Variants in SLC66A2 observed in about 807,000 individuals in gnomAD.
The protein encoded by SLC66A2 is solute carrier family 66 member 2.
In SLC66A2, 23 loss-of-function variants were observed where a neutral mutation model predicts 25.5. The ratio of observed to expected loss-of-function variants is 0.90; its 90% CI spans 0.65 to 1.28. The LOEUF (loss-of-function observed/expected upper bound fraction) is 1.28, where lower values mean the gene tolerates loss of function less well. Among genes scored for constraint, SLC66A2 ranks in the 50% most tolerant of loss-of-function variants. The pLI is 0.00. For synonymous variants in SLC66A2, 193 were observed against 166.5 expected, an observed-to-expected ratio of 1.16 and a Z score of -1.23; for missense variants, 396 against 373.1, an observed-to-expected ratio of 1.06 and a Z score of -0.51.
Position 79,941,500 on chromosome 18 carries a change from G to T in SLC66A2, c.337+1829C>A, listed in dbSNP as rs1012781658. On this transcript the variant is annotated intron_variant, in intron 3 of 5. Coordinates refer to ENST00000397778, the MANE Select transcript of SLC66A2 (RefSeq NM_025078.5). The surrounding 1 kb of genome is among the most constrained non-coding windows in gnomAD (Gnocchi z 4.1). ...TTCCAGGCCTAGCTCTGGAAACTGG[G>T]ACTCACATTTTTAACTCATCCTGGG... The T allele has an allele frequency of 2.0e-5, 3 of 152,168 alleles. No individual in the cohort carries two copies. The highest frequency in any genetic ancestry group is 7.2e-5 in the African/African-American group (3 of 41,426). 9.4% of individuals were successfully genotyped at this position (152,168 alleles called of 1,614,324 possible). A position where few individuals can be genotyped will look rare whatever the true frequency, so the allele number is the denominator to read the frequency against.
At chr18:79,948,341 G>A (rs1283883992) in intron 2 of SLC66A2, among the ~76,000 whole-genome samples, 1 of 152,124 alleles carries the variant, frequency 6.6e-6, no homozygotes, top group Non-Finnish European at 1.5e-5. Flanking sequence ...TACTTAGATG[G>A]ACATTAGATA....
intron 2 of SLC66A2, among the ~76,000 whole-genome samples, chr18:79,947,595 T>TCCCCCGCACCCA (rs140046430): frequency 7.0e-6 from 1 of 142,330 alleles, no homozygotes; most frequent in African/African-American, 2.6e-5. Flanking sequence ...ACCTCTGCTC[T>TCCCCCGCACCCA]CTGCCCCCAC....
intron 4 of SLC66A2, among the ~76,000 whole-genome samples, chr18:79,929,780 T>A (rs935812779): frequency 2.6e-5 from 4 of 151,906 alleles, no homozygotes; most frequent in Non-Finnish European, 5.9e-5. Flanking sequence ...AAGAACCAAG[T>A]GGAAATTCTG....
intron 5 of SLC66A2, among the ~76,000 whole-genome samples, chr18:79,910,811 TGACA>T (rs1252680362): frequency 6.6e-6 from 1 of 152,222 alleles, no homozygotes; most frequent in African/African-American, 2.4e-5. Context: ...TTGGCTGCTT[TGACA>T]GACAACGTCC....
Position 79,940,310 on chromosome 18 carries a change from A to T in SLC66A2, c.337+3019T>A, listed in dbSNP as rs763459219. Among the ~76,000 whole-genome samples the T allele has an allele frequency of 1.1e-4, 16 of 152,150 alleles. No homozygotes were observed. Among genetic ancestry groups the T allele is most frequent in the African/African-American group, 3.1e-4 (13 of 41,438 alleles). On this transcript the variant is annotated intron_variant, in intron 3 of 5. Coordinates refer to ENST00000397778, the MANE Select transcript of SLC66A2 (RefSeq NM_025078.5). This position sits in a 1 kb window ranked among gnomAD's most constrained non-coding sequence, Gnocchi z 4.1. ...GGCTTAATACCTGGGTGATGAAATA[A>T]TCTGCACACTGGCCGGGCGCAGTGG...
rs1266520430 is a variant in SLC66A2, at chr18:79,940,079, AG to A, written c.337+3249del. Among the ~76,000 whole-genome samples the A allele has an allele frequency of 6.6e-6, 1 of 152,230 alleles. No individual in the cohort carries two copies. The highest frequency in any genetic ancestry group is 6.5e-5 in the Admixed American group (1 of 15,280). ...AAGAGAACAAGATCGTATCCTTTAG[AG>A]GAGCACAGATGGAGCTGGAGGCCAT... is the stretch of plus-strand genomic sequence containing the variant. On this transcript the variant is annotated intron_variant, in intron 3 of 5. Transcript: ENST00000397778. The surrounding 1 kb of genome is among the most constrained non-coding windows in gnomAD (Gnocchi z 4.1).
At chr18:79,938,013 C>T (rs1312579608) in intron 3 of SLC66A2, among the ~76,000 whole-genome samples, 3 of 152,080 alleles carry the variant, frequency 2.0e-5, no homozygotes, top group African/African-American at 4.8e-5. Context: ...CAGGGGCTCA[C>T]ACCTGTAATC....
At chr18:79,945,881 C>G (rs1211523819) in intron 2 of SLC66A2, among the ~76,000 whole-genome samples, 1 of 152,244 alleles carries the variant, frequency 6.6e-6, no homozygotes, top group African/African-American at 2.4e-5. Context: ...TGCCGGTCAA[C>G]CCACCCACAG....
intron 5 of SLC66A2, among the ~76,000 whole-genome samples, chr18:79,910,034 A>ACACCCTTGCCAGAGTCCCCAGC (rs1982810313): frequency 2.0e-5 from 1 of 49,460 alleles, no homozygotes; most frequent in Non-Finnish European, 3.9e-5. Flanking sequence ...GAGTCCCCAG[A>ACACCCTTGCCAGAGTCCCCAGC]CTTCCCCACA....
intron 3 of SLC66A2, among the ~76,000 whole-genome samples, chr18:79,943,039 T>G (rs1987823766): frequency 6.6e-6 from 1 of 152,214 alleles, no homozygotes; most frequent in South Asian, 2.1e-4. Context: ...CTTCTTGTTC[T>G]GACACAGAAA....
At chr18:79,936,203 G>A (rs1192304547) in intron 3 of SLC66A2, among the ~76,000 whole-genome samples, 1 of 152,224 alleles carries the variant, frequency 6.6e-6, no homozygotes, top group African/African-American at 2.4e-5. Context: ...ATAGTGACAG[G>A]GAGGTGCCAG....
At chr18:79,924,107 A>ACTG (rs1041705622) in intron 4 of SLC66A2, among the ~76,000 whole-genome samples, 5 of 151,642 alleles carry the variant, frequency 3.3e-5, no homozygotes, top group Admixed American at 3.3e-4. Context: ...TGCATTTACC[A>ACTG]CTGCCGGGCC....
chr18:79,947,892 G>C (rs2050987161), intron 2 of SLC66A2, among the ~76,000 whole-genome samples: 1 of 152,184 alleles, frequency 6.6e-6, no homozygotes, highest in Non-Finnish European at 1.5e-5. Context: ...TGCACAGCAG[G>C]ACCTGGGGAC....
intron 4 of SLC66A2, among the ~76,000 whole-genome samples, chr18:79,931,951 A>G (rs1311954396): frequency 6.6e-6 from 1 of 152,224 alleles, no homozygotes; most frequent in Non-Finnish European, 1.5e-5. Context: ...CAGGAGGCAG[A>G]GGTTGCAGTG....
rs148223493 is a variant in SLC66A2 at position 79,932,786 on chromosome 18, A to G, written c.391+1183T>C. 5.3e-4 allele frequency among the ~76,000 whole-genome samples: 81 copies of G among 152,358 alleles called. No homozygotes were observed. The East Asian group carries it at 9.4e-3, about 18-fold the overall frequency. ...AGAAACAAAAAATCTGAATAGACTTATAACAAGAGATTGAATTCGTAATTT... is the reference window on the plus strand; with the variant it reads ...AGAAACAAAAAATCTGAATAGACTTGTAACAAGAGATTGAATTCGTAATTT... On this transcript the variant is annotated intron_variant, in intron 4 of 5. Transcript: ENST00000397778.
chr18:79,950,810 G>A lies in SLC66A2; in HGVS notation c.117C>T (p.Asp39=). The change falls in exon 2 of 6, where the codon GAC becomes GAT. Residue 39 remains aspartate, a synonymous_variant. Transcript: ENST00000397778. ...CGTCGGCGTTCTGCGTCCTGCGAAT[G>A]TCCCGATACTGCGGGACGTAGGGCA... The part of the protein sequence containing the change: ...GVVPYVPQYR[D]IRRTQNADGF... The A allele has an allele frequency of 6.2e-7, 1 of 1,613,090 alleles. No homozygotes were observed. The highest frequency in any genetic ancestry group is 8.5e-7 in the Non-Finnish European group (1 of 1,179,976).
chr18:79,923,044 C>T (rs1023997112), intron 4 of SLC66A2, among the ~76,000 whole-genome samples: 38 of 151,768 alleles, frequency 2.5e-4, no homozygotes, highest in Non-Finnish European at 4.4e-4. Context: ...CGCTGCTCGG[C>T]ATCCGAGCTG....
chr18:79,930,687 A>G (rs1414703267), intron 4 of SLC66A2, among the ~76,000 whole-genome samples: 1 of 152,206 alleles, frequency 6.6e-6, no homozygotes, highest in African/African-American at 2.4e-5. Context: ...AATAGCACAA[A>G]TGAGATGGGA....
intron 3 of SLC66A2, among the ~76,000 whole-genome samples, chr18:79,936,902 C>G (rs150092569): frequency 1.3e-5 from 2 of 152,136 alleles, no homozygotes; most frequent in Non-Finnish European, 2.9e-5. Context: ...GGGAGGCCGG[C>G]GCTGGCATGG....
Sources: gnomAD v4.1 joint callset for allele counts (sites outside exome capture counted in the v4.1 genomes callset) on GRCh38, gnomAD v4.1.1 for gene constraint, Gnocchi (gnomAD v3.1) non-coding constraint, MANE v1.5 for transcripts, NCBI Gene and HGNC (gene_info 2026-07-23, HGNC 2026-07-21) for gene names.